Variants in ZNF385D observed in about 807,000 individuals in gnomAD.
ZNF385D encodes the protein zinc finger protein 659.
ZNF385D carries 15 observed loss-of-function variants against 35.8 expected under a neutral mutation model. The ratio of observed to expected loss-of-function variants is 0.42; its 90% CI spans 0.28 to 0.64. ZNF385D has a LOEUF of 0.64. Among genes scored for constraint, ZNF385D ranks in the 30% least tolerant of loss-of-function variants. The probability of loss-of-function intolerance (pLI) is 0.23; values close to 1 mark genes in which losing one functional copy is unlikely to be tolerated. For missense variants in ZNF385D, 474 were observed against 494.6 expected (o/e 0.96, Z 0.39); for synonymous variants, 212 against 186.8 (o/e 1.13, Z -1.10).
At chr3:21,425,022 C>A in intron 6 of ZNF385D, among the ~76,000 whole-genome samples, 1 of 152,096 alleles carries the variant, frequency 6.6e-6, no homozygotes, top group Admixed American at 6.6e-5. Flanking sequence ...GCTGCAAGAT[C>A]TAAACATACA....
chr3:22,284,107 G>C (rs944930633), intron 2 of ZNF385D, among the ~76,000 whole-genome samples: 1 of 152,084 alleles, frequency 6.6e-6, no homozygotes, highest in Non-Finnish European at 1.5e-5. Context: ...TAGTACAACT[G>C]CCATTCTATA....
rs532205988 is a variant in ZNF385D, at chr3:21,988,366, T to G, written c.325+180451A>C. On this transcript the variant is annotated intron_variant, in intron 3 of 5. Coordinates refer to the ZNF385D transcript ENST00000494108. ...GTTTTCGGTGTGGATGTCCTTTCTG[T>G]TTGTTAGTTTTCCTTCTAACAGACA... Among the ~76,000 whole-genome samples the G allele has an allele frequency of 2.5e-3, 313 of 125,138 alleles. 1 individual carries two copies. The highest frequency in any genetic ancestry group is 8.2e-3 in the African/African-American group (292 of 35,488). 82.1% of individuals were successfully genotyped at this position (125,138 alleles called of 152,430 possible).
intron 2 of ZNF385D, among the ~76,000 whole-genome samples, chr3:22,291,393 T>C (rs1575051936): frequency 6.6e-6 from 1 of 151,826 alleles, no homozygotes; most frequent in Non-Finnish European, 1.5e-5. Flanking sequence ...TCCTACATAT[T>C]TATTTATAAA....
intron 2 of ZNF385D, among the ~76,000 whole-genome samples, chr3:22,171,541 A>G (rs895810821): frequency 3.3e-5 from 5 of 152,204 alleles, no homozygotes; most frequent in South Asian, 2.1e-4. Context: ...TAAGGAAAAA[A>G]GAGAACCTCA....
chr3:22,217,991 A>G (rs1431974998), intron 2 of ZNF385D, among the ~76,000 whole-genome samples: 1 of 152,262 alleles, frequency 6.6e-6, no homozygotes, highest in South Asian at 2.1e-4. Flanking sequence ...CTATAGGTTA[A>G]CGCTGAAAGG....
At chr3:21,733,668 C>A (rs2069116973) in intron 1 of ZNF385D, among the ~76,000 whole-genome samples, 1 of 152,170 alleles carries the variant, frequency 6.6e-6, no homozygotes, top group African/African-American at 2.4e-5. Flanking sequence ...CTTTCCACTG[C>A]AAGTGTATAA....
chr3:21,771,379 T>C (rs2071072014), intron 3 of ZNF385D, among the ~76,000 whole-genome samples: 1 of 151,540 alleles, frequency 6.6e-6, no homozygotes, highest in African/African-American at 2.4e-5. Flanking sequence ...AAAGGGGTAA[T>C]AGAATTTTCA....
At chr3:22,166,989 G>A (rs538414732) in intron 3 of ZNF385D, among the ~76,000 whole-genome samples, 1 of 152,322 alleles carries the variant, frequency 6.6e-6, no homozygotes, top group African/African-American at 2.4e-5. Context: ...AGAAGTCTAA[G>A]TAGAGACTGA....
chr3:22,005,547 CCT>C (rs1202004457), intron 3 of ZNF385D, among the ~76,000 whole-genome samples: 2 of 151,702 alleles, frequency 1.3e-5, no homozygotes, highest in African/African-American at 2.4e-5. Flanking sequence ...TCCTAAATAC[CCT>C]GATTTGACCA....
At chr3:21,932,810 T>C (rs544880864) in intron 3 of ZNF385D, among the ~76,000 whole-genome samples, 2 of 152,248 alleles carry the variant, frequency 1.3e-5, no homozygotes, top group South Asian at 4.1e-4. Flanking sequence ...CATAGAAACA[T>C]TTTTACAAAT....
chr3:22,023,941 G>A (rs759810580), intron 3 of ZNF385D, among the ~76,000 whole-genome samples: 6 of 152,100 alleles, frequency 3.9e-5, no homozygotes, highest in Non-Finnish European at 5.9e-5. Context: ...TTAACACTGA[G>A]TGTCAACTTG....
rs540464576 is a variant in ZNF385D, at chr3:21,578,856, A to G, written c.166-14172T>C. Among the ~76,000 whole-genome samples, 35 of 152,088 alleles carry G rather than the reference A, an allele frequency of 2.3e-4. No individual in the cohort carries two copies. In the South Asian group the frequency reaches 7.3e-3, roughly 32 times the overall value. On this transcript the variant is annotated intron_variant, in intron 2 of 7. Coordinates refer to ENST00000281523, the MANE Select transcript of ZNF385D (RefSeq NM_024697.3). ...CATATGAATTTCAGGATTTTTTTCT[A>G]TTTCCATGAAAAATATCATTGGTAT...
chr3:22,307,742 G>GTT (rs1213288645), intron 2 of ZNF385D, among the ~76,000 whole-genome samples: 3 of 100,798 alleles, frequency 3.0e-5, no homozygotes, highest in African/African-American at 9.5e-5. Context: ...TATTGCCTCT[G>GTT]TTTTAAAAAA....
intron 3 of ZNF385D, among the ~76,000 whole-genome samples, chr3:21,816,100 G>T (rs1356705810): frequency 6.6e-6 from 1 of 152,142 alleles, no homozygotes; most frequent in African/African-American, 2.4e-5. Context: ...CTCCATAGAT[G>T]CAGAAAAGGC....
chr3:21,600,888 CA>C (rs2064268160), intron 2 of ZNF385D, among the ~76,000 whole-genome samples: 1 of 129,320 alleles, frequency 7.7e-6, no homozygotes, highest in East Asian at 2.1e-4. Context: ...AATAATAAGT[CA>C]AAGGGATGAA....
Position 21,921,534 on chromosome 3 carries a change from G to A in ZNF385D, c.325+247283C>T, listed in dbSNP as rs548198640. On this transcript the variant is annotated intron_variant, in intron 3 of 5. Coordinates refer to the ZNF385D transcript ENST00000494108. ...CAGAAGTAAATCTTATGATATCAAAGCAATCAATAGAATCTATGTTTATTC... is the reference window on the plus strand; with the variant it reads ...CAGAAGTAAATCTTATGATATCAAAACAATCAATAGAATCTATGTTTATTC... 5.3e-5 allele frequency among the ~76,000 whole-genome samples: 8 copies of A among 151,966 alleles called. No individual in the cohort carries two copies. In the East Asian group the frequency reaches 1.4e-3, roughly 26 times the overall value.
chr3:21,686,318 C>A (rs147709489), intron 1 of ZNF385D, among the ~76,000 whole-genome samples: 1 of 151,982 alleles, frequency 6.6e-6, no homozygotes, highest in African/African-American at 2.4e-5. Context: ...GCAGATTATG[C>A]GTAGGTATAA....
intron 3 of ZNF385D, among the ~76,000 whole-genome samples, chr3:22,038,977 T>C (rs1452702851): frequency 7.3e-5 from 11 of 151,108 alleles, no homozygotes; most frequent in Admixed American, 7.3e-4. Context: ...ATCTAAATTA[T>C]AATCACATAA....
intron 3 of ZNF385D, among the ~76,000 whole-genome samples, chr3:21,813,782 G>A (rs1052067197): frequency 1.3e-5 from 2 of 152,138 alleles, no homozygotes; most frequent in Middle Eastern, 3.2e-3. Flanking sequence ...CAGTCTGCAG[G>A]ATATTATCCA....
Sources: allele counts gnomAD v4.1 joint callset (sites outside exome capture counted in the v4.1 genomes callset), GRCh38; gene constraint gnomAD v4.1.1; transcripts MANE v1.5; gene names NCBI Gene and HGNC (gene_info 2026-07-23, HGNC 2026-07-21).